The following C8orf34 variants were observed in gnomAD, a reference collection of about 807,000 sequenced individuals.
C8orf34 encodes chromosome 8 open reading frame 34, also known as uncharacterized protein C8orf34.
A neutral mutation model predicts 68.3 loss-of-function variants in C8orf34; 65 were observed. That is an observed-to-expected ratio of 0.95 (90% confidence interval 0.78 to 1.17). The LOEUF (loss-of-function observed/expected upper bound fraction) is 1.17, where lower values mean the gene tolerates loss of function less well. C8orf34 is among the 50% of genes most tolerant of loss of function. C8orf34 has a pLI of 0.00. For synonymous variants in C8orf34, 244 were observed against 241.2 expected (o/e 1.01, Z -0.11); for missense variants, 664 against 655.4 (o/e 1.01, Z -0.14).
At chr8:68,421,118 G>T (rs1055834883) in intron 1 of C8orf34, among the ~76,000 whole-genome samples, 3 of 152,026 alleles carry the variant, frequency 2.0e-5, no homozygotes, top group Non-Finnish European at 4.4e-5. Context: ...TGGTAAAATT[G>T]CAAATTACAA....
At chr8:68,437,906 A>G (rs1236954042) in intron 1 of C8orf34, 1 of 152,208 alleles carries the variant, frequency 6.6e-6, no homozygotes, top group East Asian at 1.9e-4. Context: ...AAATCCATTT[A>G]TCCTCTGCCC....
intron 7 of C8orf34, among the ~76,000 whole-genome samples, chr8:68,573,934 G>A (rs1391520087): frequency 6.6e-6 from 1 of 152,144 alleles, no homozygotes; most frequent in Non-Finnish European, 1.5e-5. Flanking sequence ...ATTTGTGAAA[G>A]TATTTATGCA....
intron 7 of C8orf34, among the ~76,000 whole-genome samples, chr8:68,599,070 G>A (rs1817625922): frequency 6.6e-6 from 1 of 151,878 alleles, no homozygotes; most frequent in East Asian, 1.9e-4. Flanking sequence ...AGTTAATATA[G>A]AAATTCAATA....
At chr8:68,596,982 C>T (rs1463497679) in intron 7 of C8orf34, among the ~76,000 whole-genome samples, 2 of 152,224 alleles carry the variant, frequency 1.3e-5, no homozygotes, top group South Asian at 2.1e-4. Flanking sequence ...CATGTACATG[C>T]GGTTTCTTTG....
intron 3 of C8orf34, among the ~76,000 whole-genome samples, chr8:68,455,193 C>A (rs1811496341): frequency 1.3e-5 from 2 of 152,098 alleles, no homozygotes. Flanking sequence ...ATGTTCCATG[C>A]ACACTTGAGA....
intron 7 of C8orf34, among the ~76,000 whole-genome samples, chr8:68,624,781 C>CA (rs1331587661): frequency 6.6e-6 from 1 of 152,164 alleles, no homozygotes; most frequent in African/African-American, 2.4e-5. Flanking sequence ...CACTCTGTCA[C>CA]AAAAAATGCA....
chr8:68,714,126 A>G (rs1821402622), intron 9 of C8orf34, among the ~76,000 whole-genome samples: 1 of 152,194 alleles, frequency 6.6e-6, no homozygotes, highest in South Asian at 2.1e-4. Flanking sequence ...AAATTGGTAT[A>G]GAAGGTTCAT....
intron 10 of C8orf34, among the ~76,000 whole-genome samples, chr8:68,753,821 T>C (rs548592480): frequency 6.6e-6 from 1 of 152,300 alleles, no homozygotes; most frequent in South Asian, 2.1e-4. Context: ...ACATCCTCCA[T>C]ATTGTTGAAA....
intron 7 of C8orf34, among the ~76,000 whole-genome samples, chr8:68,580,028 T>C (rs1352782136): frequency 6.6e-6 from 1 of 152,090 alleles, no homozygotes; most frequent in African/African-American, 2.4e-5. Context: ...AATTACTTTA[T>C]AAAAGGCTGC....
intron 10 of C8orf34, among the ~76,000 whole-genome samples, chr8:68,740,055 G>C (rs114055412): frequency 2.0e-5 from 3 of 152,002 alleles, no homozygotes; most frequent in Non-Finnish European, 4.4e-5. Flanking sequence ...AGCCATATGC[G>C]GAAGATTGAA....
chr8:68,659,977 T>A (rs1819622956), intron 8 of C8orf34, among the ~76,000 whole-genome samples: 1 of 152,186 alleles, frequency 6.6e-6, no homozygotes, highest in African/African-American at 2.4e-5. Flanking sequence ...CAAATAAATT[T>A]TTTTATTCTT....
At chr8:68,384,122 G>A (rs1438536437) in intron 1 of C8orf34, among the ~76,000 whole-genome samples, 1 of 152,176 alleles carries the variant, frequency 6.6e-6, no homozygotes, top group African/African-American at 2.4e-5. Flanking sequence ...TGCTTTAGAG[G>A]TGAAAATTTG....
At chr8:68,511,475 T>G (rs1388585725) in intron 5 of C8orf34, among the ~76,000 whole-genome samples, 2 of 152,100 alleles carry the variant, frequency 1.3e-5, no homozygotes, top group African/African-American at 4.8e-5. Flanking sequence ...TGACTCAGGA[T>G]GAGTCAGGAT....
At chr8:68,569,388 G>A (rs1257740765) in intron 7 of C8orf34, among the ~76,000 whole-genome samples, 1 of 152,168 alleles carries the variant, frequency 6.6e-6, no homozygotes, top group African/African-American at 2.4e-5. Flanking sequence ...CAAGAAGTAG[G>A]AGACAGCAAA....
At chr8:68,539,203 A>C (rs1159414592) in intron 7 of C8orf34, among the ~76,000 whole-genome samples, 1 of 152,218 alleles carries the variant, frequency 6.6e-6, no homozygotes, top group East Asian at 1.9e-4. Flanking sequence ...CCCACTTCAA[A>C]TGCTTTATAA....
At chr8:68,433,615 C>T (rs1810537844) in intron 1 of C8orf34, among the ~76,000 whole-genome samples, 1 of 152,152 alleles carries the variant, frequency 6.6e-6, no homozygotes, top group South Asian at 2.1e-4. Flanking sequence ...TACCCAGAGC[C>T]AGGGTTTTTA....
intron 8 of C8orf34, among the ~76,000 whole-genome samples, chr8:68,679,410 A>C (rs1032139328): frequency 6.6e-6 from 1 of 152,172 alleles, no homozygotes; most frequent in African/African-American, 2.4e-5. Context: ...TAAAACACTG[A>C]TGAAAAAAAT....
chr8:68,816,852 C>G (rs914240987), intron 13 of C8orf34, among the ~76,000 whole-genome samples: 44 of 151,902 alleles, frequency 2.9e-4, no homozygotes, highest in African/African-American at 1.1e-3. Flanking sequence ...AACCTAATAA[C>G]CAAAAAAGAG....
intron 7 of C8orf34, among the ~76,000 whole-genome samples, chr8:68,546,946 A>G (rs1266223609): frequency 2.0e-5 from 3 of 151,814 alleles, no homozygotes; most frequent in Non-Finnish European, 4.4e-5. Flanking sequence ...TTAATGAGAA[A>G]CCCAGAGCTT....
Sources: gnomAD v4.1 joint callset for allele counts (sites outside exome capture counted in the v4.1 genomes callset) on GRCh38, gnomAD v4.1.1 for gene constraint, MANE v1.5 for transcripts, NCBI Gene and HGNC (gene_info 2026-07-23, HGNC 2026-07-21) for gene names.